KCNN2: variants seen among roughly 807,000 people sequenced by gnomAD.
KCNN2 encodes small conductance calcium-activated potassium channel protein 2.
A neutral mutation model predicts 55.5 loss-of-function variants in KCNN2; 24 were observed. The ratio of observed to expected loss-of-function variants is 0.43; its 90% CI spans 0.31 to 0.61. The LOEUF (loss-of-function observed/expected upper bound fraction) is 0.61, where lower values mean the gene tolerates loss of function less well. KCNN2 is among the 20% of genes least tolerant of loss of function. KCNN2 has a pLI of 0.08. For synonymous variants in KCNN2, 431 were observed against 336.1 expected (o/e 1.28, Z -3.09); for missense variants, 754 against 853.6 (o/e 0.88, Z 1.45).
At chr5:114,494,473 C>T (rs148637083) in intron 7 of KCNN2, among the ~76,000 whole-genome samples, 101 of 150,970 alleles carry the variant, frequency 6.7e-4, no homozygotes, top group Non-Finnish European at 1.3e-3. Context: ...CTGGACAGCA[C>T]ACATATAAAA....
intron 2 of KCNN2, among the ~76,000 whole-genome samples, chr5:114,291,818 G>C (rs1310543899): frequency 6.6e-6 from 1 of 152,180 alleles, no homozygotes; most frequent in Non-Finnish European, 1.5e-5. Flanking sequence ...CAGTGTAAAA[G>C]TGTTCCTATT....
chr5:114,472,822 A>G (rs1761812697), intron 4 of KCNN2, among the ~76,000 whole-genome samples: 1 of 152,200 alleles, frequency 6.6e-6, no homozygotes, highest in South Asian at 2.1e-4. Flanking sequence ...CTTAGAATGG[A>G]AATGTTTTTT....
rs1297464138 is a variant in KCNN2, at chr5:114,097,609, A to G, written c.-271+41109A>G. ...CCTGCCGCTATTGAAGGTAGCAGAC[A>G]ATTAAACATGAACGTCTCTTGTTTT... On this transcript the variant is annotated intron_variant, in intron 1 of 10. Coordinates refer to the KCNN2 transcript ENST00000512097. Among the ~76,000 whole-genome samples, 5 of 152,212 alleles carry G rather than the reference A, an allele frequency of 3.3e-5. No homozygotes were observed. In the East Asian group the frequency reaches 9.6e-4, roughly 29 times the overall value.
At chr5:114,283,035 T>C (rs570566364) in intron 2 of KCNN2, among the ~76,000 whole-genome samples, 1 of 152,338 alleles carries the variant, frequency 6.6e-6, no homozygotes, top group Non-Finnish European at 1.5e-5. Context: ...CATGTGAATT[T>C]GTTTTTATTC....
intron 1 of KCNN2, among the ~76,000 whole-genome samples, chr5:114,114,895 C>T (rs559494945): frequency 6.6e-6 from 1 of 152,080 alleles, no homozygotes; most frequent in Non-Finnish European, 1.5e-5. Flanking sequence ...ACAGCTTCGC[C>T]TAGACTATTA....
intron 1 of KCNN2, among the ~76,000 whole-genome samples, chr5:114,133,731 A>C (rs780256119): frequency 2.0e-5 from 3 of 152,208 alleles, no homozygotes; most frequent in Non-Finnish European, 4.4e-5. Flanking sequence ...AAATAAGTGA[A>C]GATCCTAACA....
chr5:114,226,807 A>G (rs999255980), intron 2 of KCNN2, among the ~76,000 whole-genome samples: 3 of 150,786 alleles, frequency 2.0e-5, no homozygotes, highest in Admixed American at 6.6e-5. Flanking sequence ...AGGCTGAGGC[A>G]GGAGAATCCC....
intron 4 of KCNN2, among the ~76,000 whole-genome samples, chr5:114,472,525 C>A (rs1030114616): frequency 7.1e-6 from 1 of 141,462 alleles, no homozygotes; most frequent in East Asian, 2.2e-4. Flanking sequence ...CTTCCTGTTA[C>A]GCTTCCTCTT....
chr5:114,455,977 G>A (rs1760905438), intron 3 of KCNN2, among the ~76,000 whole-genome samples: 1 of 152,202 alleles, frequency 6.6e-6, no homozygotes, highest in Non-Finnish European at 1.5e-5. Flanking sequence ...TAACATAAAA[G>A]CAAGGTGAAG....
intron 1 of KCNN2, among the ~76,000 whole-genome samples, chr5:114,203,681 C>A (rs1753718126): frequency 6.6e-6 from 1 of 152,112 alleles, no homozygotes; most frequent in African/African-American, 2.4e-5. Flanking sequence ...ATGATGACAG[C>A]ATCTGACATT....
chr5:114,293,126 G>T (rs1755931562), intron 2 of KCNN2, among the ~76,000 whole-genome samples: 1 of 152,172 alleles, frequency 6.6e-6, no homozygotes, highest in Non-Finnish European at 1.5e-5. Context: ...ATACAATCAT[G>T]TCATCTGCAA....
chr5:114,245,010 A>G (rs892511504), intron 2 of KCNN2, among the ~76,000 whole-genome samples: 13 of 152,358 alleles, frequency 8.5e-5, no homozygotes, highest in African/African-American at 3.1e-4. Flanking sequence ...CATAAAAGCC[A>G]AGAAATAATA....
chr5:114,166,963 C>T (rs1334432778), intron 1 of KCNN2, among the ~76,000 whole-genome samples: 4 of 152,108 alleles, frequency 2.6e-5, no homozygotes, highest in African/African-American at 4.8e-5. Flanking sequence ...CATCAGACAG[C>T]GGATCTGCCA....
chr5:114,248,839 T>C lies in KCNN2; in HGVS notation c.-185+27274T>C, dbSNP rs111774290. Among the ~76,000 whole-genome samples, 828 of 152,266 alleles carry C rather than the reference T, an allele frequency of 5.4e-3. 5 individuals carry two copies. The highest frequency in any genetic ancestry group is 0.019 in the African/African-American group (786 of 41,552). On this transcript the variant is annotated intron_variant, in intron 2 of 10. Transcript: ENST00000512097. ...GTTGCCCCTATTAATCCATAAGTTA[T>C]AGAGAGCTGTGAAGAAGAGGGTCAC...
At chr5:114,233,295 A>T (rs898184332) in intron 2 of KCNN2, among the ~76,000 whole-genome samples, 1 of 151,624 alleles carries the variant, frequency 6.6e-6, no homozygotes, top group East Asian at 1.9e-4. Context: ...TGCTTGCAAC[A>T]CTCCTTTTAT....
intron 1 of KCNN2, among the ~76,000 whole-genome samples, chr5:114,124,553 T>A (rs1751893175): frequency 6.6e-6 from 1 of 152,184 alleles, no homozygotes; most frequent in Non-Finnish European, 1.5e-5. Flanking sequence ...GTAGAAGCTC[T>A]CACCTCTGTT....
chr5:114,361,219 T>G (rs761730094), upstream of KCNN2: 1 of 152,274 alleles, frequency 6.6e-6, no homozygotes, highest in East Asian at 1.9e-4. Flanking sequence ...CGGCCGGCTC[T>G]GTCGGCAGAC....
At chr5:114,401,824 T>C (rs1472429381) in intron 2 of KCNN2, among the ~76,000 whole-genome samples, 4 of 152,300 alleles carry the variant, frequency 2.6e-5, no homozygotes, top group East Asian at 1.9e-4. Context: ...AGTAGAATAG[T>C]AGGCAATGAA....
chr5:114,468,972 G>A (rs1761579373), intron 4 of KCNN2, among the ~76,000 whole-genome samples: 1 of 152,140 alleles, frequency 6.6e-6, no homozygotes, highest in Admixed American at 6.5e-5. Flanking sequence ...ATGCTTTTGA[G>A]GGAAATGGGA....
Sources: gnomAD v4.1 joint callset for allele counts (sites outside exome capture counted in the v4.1 genomes callset) on GRCh38, gnomAD v4.1.1 for gene constraint, MANE v1.5 for transcripts, NCBI Gene and HGNC (gene_info 2026-07-23, HGNC 2026-07-21) for gene names.